The following PDHX variants were observed in gnomAD, a reference collection of about 807,000 sequenced individuals.
The protein encoded by PDHX is pyruvate dehydrogenase complex component X, also known as pyruvate dehydrogenase protein X component, mitochondrial.
Under a neutral mutation model 55.3 loss-of-function variants are expected in PDHX, and 33 were observed. The ratio of observed to expected loss-of-function variants is 0.60; its 90% confidence interval spans 0.45 to 0.80. PDHX has a LOEUF of 0.80. PDHX is among the 30% of genes least tolerant of loss of function. The pLI is 0.00. For missense variants in PDHX, 622 were observed against 619.9 expected (o/e 1.00, Z -0.04); for synonymous variants, 226 against 219.4 (o/e 1.03, Z -0.27).
intron 1 of PDHX, among the ~76,000 whole-genome samples, chr11:34,919,624 A>G (rs1350957028): frequency 6.6e-6 from 1 of 152,244 alleles, no homozygotes; most frequent in Non-Finnish European, 1.5e-5. Context: ...TCTCCTAAAG[A>G]CATGTAACTG....
At chr11:34,923,415 C>A (rs187111033) in intron 1 of PDHX, among the ~76,000 whole-genome samples, 1 of 152,020 alleles carries the variant, frequency 6.6e-6, no homozygotes, top group Non-Finnish European at 1.5e-5. Flanking sequence ...AAAGCTATAC[C>A]ACTAACTTCT....
intron 7 of PDHX, among the ~76,000 whole-genome samples, chr11:34,971,970 G>A (rs1230342443): frequency 1.3e-5 from 2 of 151,386 alleles, no homozygotes; most frequent in Admixed American, 1.3e-4. Context: ...GGTAGTTTGT[G>A]TCTTTCAAGA....
chr11:34,931,662 G>A (rs962584621), intron 2 of PDHX, among the ~76,000 whole-genome samples, 178 bp downstream of exon 2: 7 of 151,850 alleles, frequency 4.6e-5, no homozygotes, highest in Non-Finnish European at 8.8e-5. Context: ...AAGCAGCAAA[G>A]GTTTTCTGGG....
At position 34,972,474 on chromosome 11, in the gene PDHX, T is replaced by C. The variant is rs537963805; in HGVS notation, c.964+2188T>C. 2.0e-5 allele frequency among the ~76,000 whole-genome samples: 3 copies of C among 151,982 alleles called. No individual in the cohort carries two copies. In the East Asian group the frequency reaches 5.8e-4, roughly 29 times the overall value. On this transcript the variant is annotated intron_variant, in intron 7 of 10. Transcript: ENST00000227868. ...GTGCAGTGGTGCGATCTCGGTTCAC[T>C]TCAACCACCGCCTCCTGGGTTCAAA...
chr11:34,927,322 A>G (rs1344901760), intron 1 of PDHX, among the ~76,000 whole-genome samples: 1 of 152,122 alleles, frequency 6.6e-6, no homozygotes, highest in Non-Finnish European at 1.5e-5. Flanking sequence ...GTTGTGGGAA[A>G]CTAATACTAG....
At chr11:34,977,143 C>T (rs191479567) in intron 7 of PDHX, among the ~76,000 whole-genome samples, 1 of 151,988 alleles carries the variant, frequency 6.6e-6, no homozygotes, top group African/African-American at 2.4e-5. Flanking sequence ...TCATCTAATC[C>T]CTTTCTGTAG....
intron 10 of PDHX, 135 bp downstream of exon 10, chr11:34,992,514 T>A: frequency 1.7e-6 from 1 of 598,914 alleles, no homozygotes; most frequent in African/African-American, 1.9e-5. Flanking sequence ...GACAATAGAA[T>A]ATCTGAAAAA....
At chr11:34,994,611 T>C (rs904366943) in intron 10 of PDHX, among the ~76,000 whole-genome samples, 1 of 152,244 alleles carries the variant, frequency 6.6e-6, no homozygotes, top group African/African-American at 2.4e-5. Flanking sequence ...AAGACCACCG[T>C]TGTATATGTG....
chr11:34,973,466 C>T (rs1855298179), intron 7 of PDHX, among the ~76,000 whole-genome samples: 1 of 152,060 alleles, frequency 6.6e-6, no homozygotes, highest in African/African-American at 2.4e-5. Context: ...TTCTCTTTGT[C>T]CCACCTCTTT....
At position 34,930,795 on chromosome 11, in the gene PDHX, C is replaced by T. The variant is rs184787374; in HGVS notation, c.161-609C>T. On this transcript the variant is annotated intron_variant, in intron 1 of 10. Coordinates refer to ENST00000227868, the MANE Select transcript of PDHX (RefSeq NM_003477.3). Reference sequence around the variant, plus strand: ...TCCCCAGTTGAATTGTGGTATGCAACAAAATGTGAGGTTAATTTAACCATT... The same window carrying T: ...TCCCCAGTTGAATTGTGGTATGCAATAAAATGTGAGGTTAATTTAACCATT... Among the ~76,000 whole-genome samples, 20 of 152,294 alleles carry T rather than the reference C, an allele frequency of 1.3e-4. No individual in the cohort carries two copies. In the East Asian group the frequency reaches 3.3e-3, roughly 25 times the overall value.
Position 34,966,805 on chromosome 11 carries a change from C to T in PDHX, c.807C>T (p.Pro269=). 6.2e-7 allele frequency: 1 copy of T among 1,613,002 alleles called. No homozygotes were observed. Among genetic ancestry groups the T allele is most frequent in the East Asian group, 2.2e-5 (1 of 44,866 alleles). Residue 269 remains proline (P), a synonymous_variant, in exon 6 of 11, where the codon CCC becomes CCT. Coordinates refer to ENST00000227868, the MANE Select transcript of PDHX (RefSeq NM_003477.3). ...CACCAGTATCAACTCCTGGACAACC[C>T]AATGCAGTGGTAGTGTTCTCTAAGT... is the stretch of plus-strand genomic sequence containing the variant. ...VIPPVSTPGQ[P]NAVGTFTEIP... is the part of the protein sequence containing the mutation.
chr11:34,952,177 C>T (rs984249426), intron 3 of PDHX, among the ~76,000 whole-genome samples: 1 of 152,178 alleles, frequency 6.6e-6, no homozygotes, highest in African/African-American at 2.4e-5. Context: ...ATAACAGTAT[C>T]TGAAATTGTA....
intron 2 of PDHX, among the ~76,000 whole-genome samples, chr11:34,938,541 A>G (rs1461411682): frequency 6.6e-6 from 1 of 152,224 alleles, no homozygotes; most frequent in Non-Finnish European, 1.5e-5. Context: ...AGCTTTGGCT[A>G]TTTCCATATT....
Sources: allele counts gnomAD v4.1 joint callset (sites outside exome capture counted in the v4.1 genomes callset), GRCh38; gene constraint gnomAD v4.1.1; transcripts MANE v1.5; gene names NCBI Gene and HGNC (gene_info 2026-07-23, HGNC 2026-07-21).